Variants in PCDH9 observed in about 807,000 individuals in gnomAD.
The protein encoded by PCDH9 is protocadherin-9.
A neutral mutation model predicts 70.6 loss-of-function variants in PCDH9; 24 were observed. The observed-to-expected ratio is 0.34, with a 90% CI of 0.25 to 0.48. PCDH9 has a LOEUF of 0.48. Among genes scored for constraint, PCDH9 ranks in the 20% least tolerant of loss-of-function variants. The pLI is 0.99. For synonymous variants in PCDH9, 562 were observed against 558.5 expected (o/e 1.01, Z -0.09); for missense variants, 1,281 against 1,503.6 (o/e 0.85, Z 2.45).
chr13:66,691,004 G>A (rs529242275), intron 3 of PCDH9, among the ~76,000 whole-genome samples: 5 of 152,124 alleles, frequency 3.3e-5, no homozygotes, highest in East Asian at 3.9e-4. Context: ...TTACCTAAAC[G>A]TAAATCATTT....
intron 4 of PCDH9, among the ~76,000 whole-genome samples, chr13:66,317,019 G>A (rs536379664): frequency 4.3e-4 from 66 of 152,148 alleles, no homozygotes; most frequent in African/African-American, 1.6e-3. Flanking sequence ...CACTGTGCCC[G>A]GCCCGCTAGC....
chr13:66,448,811 A>T (rs1958148150), intron 4 of PCDH9, among the ~76,000 whole-genome samples: 1 of 143,496 alleles, frequency 7.0e-6, no homozygotes, highest in South Asian at 2.4e-4. Flanking sequence ...TTTTGTAGTC[A>T]TACAATCAAG....
At chr13:66,364,601 T>A (rs1956523523) in intron 4 of PCDH9, among the ~76,000 whole-genome samples, 2 of 152,178 alleles carry the variant, frequency 1.3e-5, no homozygotes, top group African/African-American at 4.8e-5. Flanking sequence ...TTCTACCCAC[T>A]GCATTAAGTT....
chr13:66,339,030 C>T (rs946833110), intron 4 of PCDH9, among the ~76,000 whole-genome samples: 6 of 151,992 alleles, frequency 3.9e-5, no homozygotes, highest in African/African-American at 1.4e-4. Context: ...TAATGAAAAC[C>T]TTTACCAAAA....
intron 4 of PCDH9, among the ~76,000 whole-genome samples, chr13:66,554,559 G>A (rs1593666951): frequency 6.6e-6 from 1 of 152,068 alleles, no homozygotes; most frequent in Middle Eastern, 3.4e-3. Flanking sequence ...ATAATTATAT[G>A]TAGTTTATAC....
intron 4 of PCDH9, among the ~76,000 whole-genome samples, chr13:66,338,607 C>T (rs1956075493): frequency 6.6e-6 from 1 of 151,570 alleles, no homozygotes; most frequent in African/African-American, 2.4e-5. Context: ...CCTTTCTCTT[C>T]TCAGCATAAT....
intron 3 of PCDH9, among the ~76,000 whole-genome samples, chr13:66,740,017 C>A (rs1418438039): frequency 6.6e-6 from 1 of 151,726 alleles, no homozygotes; most frequent in East Asian, 1.9e-4. Flanking sequence ...GAACTCTCCA[C>A]CCCAAATCAA....
intron 2 of PCDH9, chr13:67,214,943 T>TATATATATATATATATATAG (rs2089560109): frequency 1.6e-5 from 1 of 62,688 alleles, no homozygotes; most frequent in Non-Finnish European, 3.4e-5. Context: ...CAGATATATA[T>TATATATATATATATATATAG]ATATATATAT....
chr13:66,417,382 A>G (rs1957479374), intron 4 of PCDH9, among the ~76,000 whole-genome samples: 1 of 152,172 alleles, frequency 6.6e-6, no homozygotes, highest in Non-Finnish European at 1.5e-5. Context: ...GCTGCATAGT[A>G]TTCCATGGTG....
intron 3 of PCDH9, among the ~76,000 whole-genome samples, chr13:66,702,084 T>C (rs941789385): frequency 6.6e-6 from 1 of 152,194 alleles, no homozygotes; most frequent in Non-Finnish European, 1.5e-5. Flanking sequence ...ATGTTCATTT[T>C]CAAATAGCAA....
At chr13:67,224,659 T>G (rs973343825) in intron 2 of PCDH9, 1 of 251,888 alleles carries the variant, frequency 4.0e-6, no homozygotes, top group Non-Finnish European at 6.3e-6. Context: ...TATGCATTAC[T>G]AAGATGAGAG....
rs75724274 is a variant in PCDH9, at chr13:67,082,424, T to G, written c.3036+142981A>C. On this transcript the variant is annotated intron_variant, in intron 2 of 4. Coordinates refer to ENST00000377865, the MANE Select transcript of PCDH9 (RefSeq NM_203487.3). ...GCTGTAACAAACAGCAGGATTTCCT[T>G]TCTTTTCAAGGCTGAATAATATGCC... Among the ~76,000 whole-genome samples, 404 of 152,346 alleles carry G rather than the reference T, an allele frequency of 2.7e-3. 2 individuals are homozygous for G. The highest frequency in any genetic ancestry group is 9.2e-3 in the African/African-American group (384 of 41,594).
intron 2 of PCDH9, among the ~76,000 whole-genome samples, chr13:67,080,122 T>A (rs990401165): frequency 1.1e-4 from 16 of 152,320 alleles, no homozygotes; most frequent in African/African-American, 3.8e-4. Flanking sequence ...CTTCTTGAGA[T>A]TGTGTGACCT....
At chr13:66,947,012 A>G (rs2083099055) in intron 2 of PCDH9, among the ~76,000 whole-genome samples, 1 of 152,192 alleles carries the variant, frequency 6.6e-6, no homozygotes, top group Non-Finnish European at 1.5e-5. Context: ...ACAAGGATAA[A>G]AAATGTTAAC....
Position 66,702,607 on chromosome 13 carries a change from A to G in PCDH9, c.3139-71196T>C, listed in dbSNP as rs544898243. ...AACCCATGCCCCCCACCAGTATACA[A>G]AGGTAACTATGTGAGGTCACGGAGA... is the stretch of plus-strand genomic sequence containing the variant. On this transcript the variant is annotated intron_variant, in intron 3 of 4. Transcript: ENST00000377865. Among the ~76,000 whole-genome samples, 7 of 152,314 alleles carry G rather than the reference A, an allele frequency of 4.6e-5. No homozygotes were observed. The South Asian group carries it at 1.4e-3, about 32-fold the overall frequency.
chr13:66,582,925 T>C (rs1182101481), intron 4 of PCDH9, among the ~76,000 whole-genome samples: 1 of 152,054 alleles, frequency 6.6e-6, no homozygotes, highest in Non-Finnish European at 1.5e-5. Flanking sequence ...TGAATATAAA[T>C]CCTCTATTTA....
At chr13:66,319,321 C>A (rs933251642) in intron 4 of PCDH9, among the ~76,000 whole-genome samples, 1 of 152,054 alleles carries the variant, frequency 6.6e-6, no homozygotes, top group Non-Finnish European at 1.5e-5. Flanking sequence ...GGACTCAGAG[C>A]CAAACCATAG....
At chr13:67,124,349 T>C (rs1341703551) in intron 2 of PCDH9, among the ~76,000 whole-genome samples, 2 of 152,186 alleles carry the variant, frequency 1.3e-5, no homozygotes, top group African/African-American at 2.4e-5. Flanking sequence ...TATATATTTA[T>C]TTGAAGAATT....
At chr13:66,501,980 G>A (rs1009293305) in intron 4 of PCDH9, among the ~76,000 whole-genome samples, 1 of 152,030 alleles carries the variant, frequency 6.6e-6, no homozygotes, top group African/African-American at 2.4e-5. Context: ...TAGTGCATTA[G>A]GCATCCTGAA....
Sources: allele counts gnomAD v4.1 joint callset (sites outside exome capture counted in the v4.1 genomes callset), GRCh38; gene constraint gnomAD v4.1.1; transcripts MANE v1.5; gene names NCBI Gene and HGNC (gene_info 2026-07-23, HGNC 2026-07-21).